The following LFNG variants were observed in gnomAD, a reference collection of about 807,000 sequenced individuals.
LFNG encodes the protein beta-1,3-N-acetylglucosaminyltransferase lunatic fringe.
In LFNG, 15 loss-of-function variants were observed where a neutral mutation model predicts 32.7. The ratio of observed to expected loss-of-function variants is 0.46; its 90% CI spans 0.31 to 0.71. The LOEUF is 0.71. Ranked by LOEUF, LFNG falls within the 30% of genes least tolerant of loss-of-function variation. The pLI is 0.06. For synonymous variants in LFNG, 274 were observed against 246.8 expected, an observed-to-expected ratio of 1.11 and a Z score of -1.03; for missense variants, 520 against 545.7, an observed-to-expected ratio of 0.95 and a Z score of 0.47.
Position 2,527,670 on chromosome 7 carries a change from C to T in LFNG, c.*458C>T. The T allele has an allele frequency of 9.0e-7, 1 of 1,115,648 alleles. No individual in the cohort carries two copies. Among genetic ancestry groups the T allele is most frequent in the Non-Finnish European group, 1.1e-6 (1 of 904,514 alleles). The allele number at this position is 1,115,648 out of a possible 1,614,324, so 69.1% of individuals were successfully genotyped here. The stretch of plus-strand genomic sequence containing the variant: ...CCCTGTGTCATAGCCCCAAGTACGA[C>T]TCACTGAGCCATGCTCATTGCAGGG... On this transcript the variant is annotated 3_prime_UTR_variant, in exon 8 of 8. Transcript: ENST00000222725. The surrounding 1 kb of genome is among the most constrained non-coding windows in gnomAD (Gnocchi z 4.4).
chr7:2,525,489 C>A lies in LFNG; in HGVS notation c.657C>A (p.His219Gln). The A allele has an allele frequency of 6.2e-7, 1 of 1,612,452 alleles. No homozygotes were observed. Among genetic ancestry groups the A allele is most frequent in the Non-Finnish European group, 8.5e-7 (1 of 1,179,870 alleles). The change falls in exon 4 of 8, where the codon CAC (histidine) becomes CAA (glutamine). Residue 219 changes from histidine (H) to glutamine (Q), a missense_variant. Physicochemically the swap from His to Gln is conservative, Grantham distance 24 (BLOSUM62 0). Transcript: ENST00000222725. ...ALLRLLASYPHTRDVYVGKPS... is the reference protein window; with the variant it reads ...ALLRLLASYPQTRDVYVGKPS... ...TGCGGCTGCTGGCCAGCTACCCGCA[C>A]ACGCGGGACGTCTACGTCGGCAAGC...
chr7:2,528,081 T>TTG lies in LFNG; in HGVS notation c.*869_*870insTG. 1 of 55,040 alleles carries TTG rather than the reference T, an allele frequency of 1.8e-5. No individual in the cohort carries two copies. The highest frequency in any genetic ancestry group is 3.0e-5 in the Non-Finnish European group (1 of 33,688). 3.4% of individuals were successfully genotyped at this position (55,040 alleles called of 1,614,324 possible). A position where few individuals can be genotyped will look rare whatever the true frequency, so the allele number is the denominator to read the frequency against. ...TGTTTTTTGCTTGGGAGGGTGGGGGTGGGGGAGGGTCTTATTTTATCTTAT... is the reference window on the plus strand; with the variant it reads ...TGTTTTTTGCTTGGGAGGGTGGGGGTTGGGGGGAGGGTCTTATTTTATCTTAT... On this transcript the variant is annotated 3_prime_UTR_variant, in exon 8 of 8. Coordinates refer to ENST00000222725, the MANE Select transcript of LFNG (RefSeq NM_001040167.2).
intron 1 of LFNG, chr7:2,523,479 A>G (rs943207207): frequency 6.6e-6 from 1 of 152,476 alleles, no homozygotes; most frequent in African/African-American, 2.4e-5. Flanking sequence ...CTGGGTGGGC[A>G]TCAGGGGGTT....
rs1158300945 is a variant in LFNG at position 2,525,787 on chromosome 7, G to A, written c.821+17G>A. 4 of 1,604,440 alleles carry A rather than the reference G, an allele frequency of 2.5e-6. No homozygotes were observed. On this transcript the variant is annotated intron_variant, in intron 5 of 7. Transcript: ENST00000222725. ...GTGGGCCAGGTGAGTGCCCTGCACA[G>A]GTTAGGCCAGCCCGGTCCCAGGCTC...
At chr7:2,512,645 G>A in exon 1 of LFNG, 1 of 1,613,698 alleles carries the variant, frequency 6.2e-7, no homozygotes, top group Admixed American at 1.7e-5. Flanking sequence ...AGGACCCAAA[G>A]CTCAGAGGGA....
upstream of LFNG, among the ~76,000 whole-genome samples, chr7:2,515,545 G>A (rs1263200314): frequency 6.6e-6 from 1 of 152,246 alleles, no homozygotes; most frequent in Non-Finnish European, 1.5e-5. Flanking sequence ...CTGAGGCCAA[G>A]TCGGCTGAAC....
At chr7:2,519,415 C>G (rs538899956), upstream of LFNG, among the ~76,000 whole-genome samples, 6 of 152,254 alleles carry the variant, frequency 3.9e-5, no homozygotes, top group Non-Finnish European at 5.9e-5. Flanking sequence ...ACCCTGCCCG[C>G]TGCGCCGAGG....
upstream of LFNG, chr7:2,518,628 A>G: frequency 6.2e-7 from 1 of 1,608,358 alleles, no homozygotes; most frequent in Non-Finnish European, 8.5e-7. Flanking sequence ...GGGCACTTAA[A>G]GAATTTAAAA....
Position 2,520,088 on chromosome 7 carries a change from A to G in LFNG, c.227A>G (p.Glu76Gly). 1.5e-6 allele frequency: 2 copies of G among 1,321,824 alleles called. No homozygotes were observed. The highest frequency in any genetic ancestry group is 1.9e-6 in the Non-Finnish European group (2 of 1,026,290). 81.9% of individuals were successfully genotyped at this position (1,321,824 alleles called of 1,614,324 possible). The change falls in exon 1 of 8, where the codon GAG (glutamate) becomes GGG (glycine). Residue 76 changes from glutamate (E) to glycine (G), a missense_variant. By Grantham distance (98) the Glu-to-Gly change is moderately conservative (BLOSUM62 -2). Around this residue, in one of 3 missense-constraint regions of LFNG, gnomAD observed 360 missense variants for 354.7 expected, o/e 1.01. Coordinates refer to ENST00000222725, the MANE Select transcript of LFNG (RefSeq NM_001040167.2). The surrounding 1 kb of genome is among the most constrained non-coding windows in gnomAD (Gnocchi z 5.0). ...GTCCGCGACGTGCACAGTCTGTCCG[A>G]GTACTTCAGCCTGCTCACCCGCGCG... ...ALVRDVHSLS[E>G]YFSLLTRARR... is the part of the protein sequence containing the mutation.
Position 2,523,137 on chromosome 7 carries a change from T to C in LFNG, c.433-1558T>C, listed in dbSNP as rs1376668231. 2.6e-5 allele frequency among the ~76,000 whole-genome samples: 4 copies of C among 152,344 alleles called. No individual in the cohort carries two copies. The East Asian group carries it at 7.7e-4, about 29-fold the overall frequency. On this transcript the variant is annotated intron_variant, in intron 1 of 7. Coordinates refer to ENST00000222725, the MANE Select transcript of LFNG (RefSeq NM_001040167.2). ...GGAGAACAGGCCTCCCTTGATCTCA[T>C]TAAGAAAGCATTTTCCTTTTAACCC...
chr7:2,523,592 CA>C (rs1254338541), intron 1 of LFNG: 1 of 152,234 alleles, frequency 6.6e-6, no homozygotes, highest in African/African-American at 2.4e-5. Context: ...GAGGAAGGAA[CA>C]TTCCTCCCCG....
chr7:2,524,948 G>C (rs760444221), intron 2 of LFNG, among the ~76,000 whole-genome samples: 3 of 152,348 alleles, frequency 2.0e-5, no homozygotes, highest in East Asian at 3.9e-4. Context: ...CAGCCCCCCG[G>C]GTCCCTTTGA....
In LFNG at chr7:2,519,775, C is replaced by G. The variant is rs1487164200; in HGVS notation, c.-87C>G. On this transcript the variant is annotated 5_prime_UTR_variant, in exon 1 of 8. Transcript: ENST00000222725. ...AGCGCGGGACACTGGTGCTGCGCTG[C>G]TGGACTGCGCCGCCGGAGCGACGGG... 2.5e-6 allele frequency: 2 copies of G among 792,292 alleles called. No individual in the cohort carries two copies. The highest frequency in any genetic ancestry group is 3.1e-6 in the Non-Finnish European group (2 of 649,468). 49.1% of individuals were successfully genotyped at this position (792,292 alleles called of 1,614,324 possible).
In LFNG at chr7:2,519,984, G is replaced by A. The variant is rs1322948161; in HGVS notation, c.123G>A (p.Ala41=). The A allele has an allele frequency of 2.1e-5, 21 of 982,184 alleles. No homozygotes were observed. Among genetic ancestry groups the A allele is most frequent in the Admixed American group, 6.3e-5 (1 of 15,792 alleles). The allele number at this position is 982,184 out of a possible 1,614,324, so 60.8% of individuals were successfully genotyped here. Residue 41 remains alanine (A), a synonymous_variant, in exon 1 of 8, where the codon GCG becomes GCA. Transcript: ENST00000222725. ...TGCCCGCCGAGCGCGGCCGGCGCGC[G>A]CTGCGCAGCCTGGCGGGCCCCGCGG... ...PPLPAERGRR[A]LRSLAGPAGA...
chr7:2,526,877 C>G lies in LFNG; in HGVS notation c.1029C>G (p.Ala343=), dbSNP rs749597262. The stretch of plus-strand genomic sequence containing the variant: ...GTATGTTTGAAAACAAGCGGAACGC[C>G]GTCCACGTGAAGGGGCCCTTCTCGG... The part of the protein sequence containing the change: ...SYGMFENKRN[A]VHVKGPFSVE... The change falls in exon 7 of 8, where the codon GCC becomes GCG. Residue 343 remains alanine (A), a synonymous_variant. Coordinates refer to ENST00000222725, the MANE Select transcript of LFNG (RefSeq NM_001040167.2). The surrounding 1 kb of genome is among the most constrained non-coding windows in gnomAD (Gnocchi z 6.9). 3.7e-6 allele frequency: 6 copies of G among 1,612,074 alleles called. No homozygotes were observed. Among genetic ancestry groups the G allele is most frequent in the African/African-American group, 2.7e-5 (2 of 74,690 alleles).
chr7:2,514,824 A>G (rs1048659439), upstream of LFNG, among the ~76,000 whole-genome samples: 1 of 76,556 alleles, frequency 1.3e-5, no homozygotes, highest in Non-Finnish European at 3.3e-5. Flanking sequence ...CTGTCCATCC[A>G]TCCATCCATC....
chr7:2,527,712 G>T lies in LFNG; in HGVS notation c.*500G>T, dbSNP rs899171692. ...ATTGCAGGGGAGGCTGGGTCTGGGGGTGCGTGACCCAATCCCCTTCCTCCT... is the reference window on the plus strand; with the variant it reads ...ATTGCAGGGGAGGCTGGGTCTGGGGTTGCGTGACCCAATCCCCTTCCTCCT... On this transcript the variant is annotated 3_prime_UTR_variant, in exon 8 of 8. Transcript: ENST00000222725. This position sits in a 1 kb window ranked among gnomAD's most constrained non-coding sequence, Gnocchi z 4.4. 9 of 1,059,408 alleles carry T rather than the reference G, an allele frequency of 8.5e-6. No homozygotes were observed. Among genetic ancestry groups the T allele is most frequent in the Admixed American group, 4.8e-5 (1 of 20,666 alleles). 65.6% of individuals were successfully genotyped at this position (1,059,408 alleles called of 1,614,324 possible).
upstream of LFNG, chr7:2,517,834 G>A: frequency 8.2e-7 from 1 of 1,226,280 alleles, no homozygotes; most frequent in Non-Finnish European, 1.1e-6. Flanking sequence ...ATATCAGGCG[G>A]GACTTTAACT....
At chr7:2,517,759 G>A (rs1371982212), upstream of LFNG, 7 of 675,986 alleles carry the variant, frequency 1.0e-5, no homozygotes, top group Non-Finnish European at 1.6e-5. Flanking sequence ...ATGCTTGGCT[G>A]CAGGGGATTG....
Sources: gnomAD v4.1 joint callset for allele counts (sites outside exome capture counted in the v4.1 genomes callset) on GRCh38, gnomAD v4.1.1 for gene constraint, gnomAD v4.1.1 regional missense constraint, Gnocchi (gnomAD v3.1) non-coding constraint, MANE v1.5 for transcripts, NCBI Gene and HGNC (gene_info 2026-07-23, HGNC 2026-07-21) for gene names.